The following SLC24A2 variants were observed in gnomAD, a reference collection of about 807,000 sequenced individuals.
SLC24A2 encodes solute carrier family 24 member 2.
In SLC24A2, 36 loss-of-function variants were observed where a neutral mutation model predicts 62.0. The ratio of observed to expected loss-of-function variants is 0.58; its 90% confidence interval spans 0.44 to 0.77. The LOEUF (loss-of-function observed/expected upper bound fraction) is 0.77. SLC24A2 is among the 30% of genes least tolerant of loss of function. The pLI is 0.00. For missense variants in SLC24A2, 846 were observed against 817.9 expected (o/e 1.03, Z -0.42); for synonymous variants, 358 against 294.0 (o/e 1.22, Z -2.23).
chr9:19,989,402 A>G, the SLC24A2 span, among the ~76,000 whole-genome samples: 2 of 152,294 alleles, frequency 1.3e-5, no homozygotes, highest in Admixed American at 1.3e-4. Context: ...CATCATAAGC[A>G]CTTACTAAAA....
the SLC24A2 span, among the ~76,000 whole-genome samples, chr9:19,884,436 T>A: frequency 3.3e-5 from 5 of 152,180 alleles, no homozygotes; most frequent in African/African-American, 9.7e-5. Context: ...GTTGTATAGT[T>A]GAAAAAGGAA....
the SLC24A2 span, among the ~76,000 whole-genome samples, chr9:20,093,324 G>A: frequency 4.6e-5 from 7 of 151,924 alleles, no homozygotes; most frequent in African/African-American, 1.2e-4. Context: ...CACCCGCCTC[G>A]GCCTCCCAAA....
the SLC24A2 span, among the ~76,000 whole-genome samples, chr9:19,976,091 C>T: frequency 6.6e-6 from 1 of 152,070 alleles, no homozygotes; most frequent in Non-Finnish European, 1.5e-5. Context: ...GCCATGTTGC[C>T]CAGGCTGGTC....
chr9:20,232,704 T>C, the SLC24A2 span, among the ~76,000 whole-genome samples: 1 of 152,168 alleles, frequency 6.6e-6, no homozygotes, highest in African/African-American at 2.4e-5. Context: ...ATTCGTTAAT[T>C]TTTTGAAGGG....
chr9:19,718,235 A>G (rs1252359654), intron 2 of SLC24A2, among the ~76,000 whole-genome samples: 1 of 150,356 alleles, frequency 6.7e-6, no homozygotes, highest in Non-Finnish European at 1.5e-5. Flanking sequence ...TTGGCCTCCC[A>G]AAGTGCTGGG....
chr9:19,542,009 G>T (rs1834288787), intron 8 of SLC24A2, among the ~76,000 whole-genome samples: 1 of 152,206 alleles, frequency 6.6e-6, no homozygotes, highest in Non-Finnish European at 1.5e-5. Context: ...CTCGGAAAGG[G>T]AACTCCCTGA....
intron 2 of SLC24A2, among the ~76,000 whole-genome samples, chr9:19,674,206 C>G (rs1161170561): frequency 1.3e-5 from 2 of 152,128 alleles, no homozygotes; most frequent in African/African-American, 4.8e-5. Context: ...CTGATCTATT[C>G]TAGATTGTAG....
chr9:20,150,900 G>T, the SLC24A2 span, among the ~76,000 whole-genome samples: 4 of 151,734 alleles, frequency 2.6e-5, no homozygotes, highest in African/African-American at 9.7e-5. Context: ...TAAACAAATG[G>T]TTATTTTATT....
chr9:19,721,141 A>G (rs970600588), intron 2 of SLC24A2, among the ~76,000 whole-genome samples: 1 of 152,130 alleles, frequency 6.6e-6, no homozygotes, highest in African/African-American at 2.4e-5. Flanking sequence ...AATTCCTCAG[A>G]ATAAACTAAA....
the SLC24A2 span, among the ~76,000 whole-genome samples, chr9:20,111,753 G>T: frequency 6.6e-6 from 1 of 152,080 alleles, no homozygotes; most frequent in African/African-American, 2.4e-5. Context: ...TCTAGCATCA[G>T]AATGTTAATG....
chr9:19,760,452 T>C (rs1048791003), intron 2 of SLC24A2, among the ~76,000 whole-genome samples: 2 of 152,122 alleles, frequency 1.3e-5, no homozygotes, highest in African/African-American at 4.8e-5. Context: ...TGTGGCATGG[T>C]GGTTTGCTGC....
At chr9:20,016,099 T>A in the SLC24A2 span, among the ~76,000 whole-genome samples, 2 of 152,250 alleles carry the variant, frequency 1.3e-5, no homozygotes, top group African/African-American at 4.8e-5. Flanking sequence ...CAGTGCTTTT[T>A]GAACTATAAG....
the SLC24A2 span, among the ~76,000 whole-genome samples, chr9:20,092,625 C>G: frequency 6.6e-6 from 1 of 152,118 alleles, no homozygotes; most frequent in Non-Finnish European, 1.5e-5. Context: ...TGTTCATATT[C>G]AAGGTGTACA....
At chr9:20,070,227 T>C in the SLC24A2 span, among the ~76,000 whole-genome samples, 2 of 152,126 alleles carry the variant, frequency 1.3e-5, no homozygotes, top group African/African-American at 4.8e-5. Flanking sequence ...CTTACTATGA[T>C]TGTTACCCAA....
chr9:19,674,716 T>G (rs1457705914), intron 2 of SLC24A2, among the ~76,000 whole-genome samples: 2 of 152,244 alleles, frequency 1.3e-5, no homozygotes, highest in African/African-American at 4.8e-5. Context: ...GAAGTTATGA[T>G]TTTTAATGCT....
chr9:19,771,075 G>A (rs892088592), intron 2 of SLC24A2, among the ~76,000 whole-genome samples: 4 of 152,160 alleles, frequency 2.6e-5, no homozygotes, highest in Non-Finnish European at 4.4e-5. Flanking sequence ...TGGGGCTGCC[G>A]AGAGAAGGAA....
intron 2 of SLC24A2, among the ~76,000 whole-genome samples, chr9:19,687,192 C>T (rs1564038028): frequency 6.6e-6 from 1 of 152,060 alleles, no homozygotes; most frequent in Non-Finnish European, 1.5e-5. Context: ...TGCTTATTAC[C>T]TGGGTGACAA....
chr9:20,143,191 A>G, the SLC24A2 span, among the ~76,000 whole-genome samples: 1 of 152,184 alleles, frequency 6.6e-6, no homozygotes, highest in Non-Finnish European at 1.5e-5. Context: ...GTGGGAAAAG[A>G]GAGTGCCCAA....
At chr9:19,811,702 T>A in the SLC24A2 span, among the ~76,000 whole-genome samples, 3 of 152,204 alleles carry the variant, frequency 2.0e-5, no homozygotes, top group African/African-American at 7.2e-5. Flanking sequence ...ATATGGATTA[T>A]CTTTTACCAC....
Sources: allele counts gnomAD v4.1 joint callset (sites outside exome capture counted in the v4.1 genomes callset), GRCh38; gene constraint gnomAD v4.1.1; transcripts MANE v1.5; gene names NCBI Gene and HGNC (gene_info 2026-07-23, HGNC 2026-07-21).